Variants in RBPJ observed in about 807,000 individuals in gnomAD.
The protein encoded by RBPJ is recombining binding protein suppressor of hairless.
Under a neutral mutation model 67.8 loss-of-function variants are expected in RBPJ, and 9 were observed. The ratio of observed to expected loss-of-function variants is 0.13; its 90% CI spans 0.08 to 0.23. The LOEUF is 0.23. RBPJ is among the 10% of genes least tolerant of loss of function. The probability of loss-of-function intolerance (pLI) is 1.00; values close to 1 mark genes in which losing one functional copy is unlikely to be tolerated. For missense variants in RBPJ, 305 were observed against 595.6 expected (o/e 0.51, Z 5.08); for synonymous variants, 198 against 203.3 (o/e 0.97, Z 0.22).
At chr4:26,334,374 T>C (rs1162950791) in intron 1 of RBPJ, among the ~76,000 whole-genome samples, 1 of 152,106 alleles carries the variant, frequency 6.6e-6, no homozygotes, top group Non-Finnish European at 1.5e-5. Context: ...CTTTTTTTTT[T>C]TCTAATATTC....
chr4:26,392,831 A>G (rs577355446), intron 2 of RBPJ, among the ~76,000 whole-genome samples: 41 of 152,362 alleles, frequency 2.7e-4, no homozygotes, highest in African/African-American at 9.9e-4. Flanking sequence ...TAAAGCTGTT[A>G]AAAACTTAGA....
rs776900350 is a variant in RBPJ at position 26,321,060 on chromosome 4, G to A, written c.20+12G>A. 11 of 1,599,070 alleles carry A rather than the reference G, an allele frequency of 6.9e-6. No homozygotes were observed. In the Admixed American group the frequency reaches 1.2e-4, roughly 17 times the overall value. ...CCTGTTGTGACAGGGTAAGTCTGAG[G>A]GAATCGGAGCGCCGGGAACCGGGAA... On this transcript the variant is annotated intron_variant, in intron 1 of 10. Coordinates refer to ENST00000355476, the MANE Select transcript of RBPJ (RefSeq NM_015874.6).
At chr4:26,362,704 G>T in intron 1 of RBPJ, 1 of 1,137,130 alleles carries the variant, frequency 8.8e-7, no homozygotes, top group South Asian at 1.3e-5. Flanking sequence ...TTTAGTTAAT[G>T]CATATTTAAG....
At chr4:26,186,575 GC>G (rs1717270692) in intron 1 of RBPJ, among the ~76,000 whole-genome samples, 1 of 152,148 alleles carries the variant, frequency 6.6e-6, no homozygotes, top group African/African-American at 2.4e-5. Context: ...GGGTTGGGCA[GC>G]CTCTCTAAGA....
the RBPJ span, among the ~76,000 whole-genome samples, chr4:26,124,005 G>A: frequency 6.6e-6 from 1 of 151,980 alleles, no homozygotes; most frequent in Non-Finnish European, 1.5e-5. Context: ...CAGTAACATA[G>A]TCATTTATTA....
chr4:26,246,771 G>T (rs1475633359), intron 1 of RBPJ, among the ~76,000 whole-genome samples: 1 of 152,092 alleles, frequency 6.6e-6, no homozygotes, highest in African/African-American at 2.4e-5. Flanking sequence ...CCTGCTTTAA[G>T]TCTGTTGCCT....
At chr4:26,339,987 C>T (rs1376104010) in intron 1 of RBPJ, among the ~76,000 whole-genome samples, 1 of 151,996 alleles carries the variant, frequency 6.6e-6, no homozygotes, top group Non-Finnish European at 1.5e-5. Context: ...CCATTGCGCT[C>T]CAGCCTGGGT....
intron 2 of RBPJ, among the ~76,000 whole-genome samples, chr4:26,398,409 A>G (rs1447840987): frequency 3.3e-5 from 5 of 152,226 alleles, no homozygotes; most frequent in Admixed American, 2.6e-4. Flanking sequence ...ACTCACCGCT[A>G]TAATTAATGT....
At chr4:26,130,852 A>G in the RBPJ span, among the ~76,000 whole-genome samples, 1 of 152,260 alleles carries the variant, frequency 6.6e-6, no homozygotes, top group Non-Finnish European at 1.5e-5. Context: ...GAATCTTACA[A>G]ATAGAGTACA....
At chr4:26,238,531 C>G (rs1412477279) in intron 1 of RBPJ, among the ~76,000 whole-genome samples, 1 of 152,182 alleles carries the variant, frequency 6.6e-6, no homozygotes, top group Non-Finnish European at 1.5e-5. Flanking sequence ...TGTAGGGTAT[C>G]ATCATTACTG....
chr4:26,234,415 A>G (rs138866161), intron 1 of RBPJ, among the ~76,000 whole-genome samples: 2,989 of 152,304 alleles, frequency 0.02, 44 homozygotes, highest in Middle Eastern at 0.031. Flanking sequence ...AATAATAAAC[A>G]TATAAGCCTG....
Position 26,359,306 on chromosome 4 carries a change from G to A in RBPJ, c.21-27047G>A, listed in dbSNP as rs36019243. ...GTTATTTCAGTAATATTTAACGAAC[G>A]TTTCCATTGTATGGGTGTGTCATAA... On this transcript the variant is annotated intron_variant, in intron 1 of 10. Coordinates refer to ENST00000355476, the MANE Select transcript of RBPJ (RefSeq NM_015874.6). Among the ~76,000 whole-genome samples the A allele has an allele frequency of 5.4e-3, 814 of 151,412 alleles. 8 individuals are homozygous for A. Among genetic ancestry groups the A allele is most frequent in the African/African-American group, 0.019 (776 of 41,186 alleles).
At chr4:26,355,644 C>T (rs115464031) in intron 1 of RBPJ, among the ~76,000 whole-genome samples, 1,705 of 152,166 alleles carry the variant, frequency 0.011, 39 homozygotes, top group African/African-American at 0.038. Flanking sequence ...TCTCTTAAAA[C>T]ATCAAAACCC....
the RBPJ span, among the ~76,000 whole-genome samples, chr4:26,118,305 G>C: frequency 1.3e-5 from 2 of 152,164 alleles, no homozygotes; most frequent in South Asian, 2.1e-4. Flanking sequence ...GTGTTTATTT[G>C]TGTGAAGAAC....
At chr4:26,193,662 C>T (rs1014337083) in intron 1 of RBPJ, among the ~76,000 whole-genome samples, 1 of 152,252 alleles carries the variant, frequency 6.6e-6, no homozygotes, top group East Asian at 1.9e-4. Context: ...TTCTCCACTC[C>T]CACAGAATTG....
chr4:26,320,079 C>G (rs1295252260), upstream of RBPJ, among the ~76,000 whole-genome samples: 1 of 152,220 alleles, frequency 6.6e-6, no homozygotes, highest in Non-Finnish European at 1.5e-5. Context: ...CACACCTGGG[C>G]TCACACACGG....
chr4:26,248,815 G>A (rs563312340), intron 1 of RBPJ, among the ~76,000 whole-genome samples: 2 of 152,264 alleles, frequency 1.3e-5, no homozygotes, highest in South Asian at 4.1e-4. Flanking sequence ...AAACAGCTGA[G>A]GAGAACAAGA....
the RBPJ span, among the ~76,000 whole-genome samples, chr4:26,118,661 T>A: frequency 5.9e-5 from 9 of 152,262 alleles, no homozygotes; most frequent in Admixed American, 1.3e-4. Flanking sequence ...TGTAACACTA[T>A]GTCTTCTGAC....
At chr4:26,208,717 CTTG>C (rs969533068) in intron 1 of RBPJ, among the ~76,000 whole-genome samples, 1 of 151,964 alleles carries the variant, frequency 6.6e-6, no homozygotes, top group Non-Finnish European at 1.5e-5. Flanking sequence ...TTTCTGAACT[CTTG>C]TTGTACTGAG....
Sources: gnomAD v4.1 joint callset for allele counts (sites outside exome capture counted in the v4.1 genomes callset) on GRCh38, gnomAD v4.1.1 for gene constraint, MANE v1.5 for transcripts, NCBI Gene and HGNC (gene_info 2026-07-23, HGNC 2026-07-21) for gene names.